Variants in RPS6KC1 observed in about 807,000 individuals in gnomAD.
RPS6KC1 encodes inactive ribosomal protein S6 kinase delta-1.
In RPS6KC1, 54 loss-of-function variants were observed where a neutral mutation model predicts 103.8. The observed-to-expected ratio is 0.52, with a 90% CI of 0.42 to 0.65. RPS6KC1 has a LOEUF of 0.65. RPS6KC1 is among the 30% of genes least tolerant of loss of function. RPS6KC1 has a pLI of 0.00. For missense variants in RPS6KC1, 1,151 were observed against 1,253.8 expected (o/e 0.92, Z 1.24); for synonymous variants, 439 against 438.7 (o/e 1.00, Z -0.01).
At chr1:213,602,056 C>CTCTT in the RPS6KC1 span, among the ~76,000 whole-genome samples, 14 of 56,382 alleles carry the variant, frequency 2.5e-4, 3 homozygotes, top group Admixed American at 4.1e-4. Context: ...TTCTTTCTTT[C>CTCTT]TCTTTCTTTC....
the RPS6KC1 span, among the ~76,000 whole-genome samples, chr1:213,362,881 GC>G: frequency 1.3e-5 from 2 of 152,190 alleles, no homozygotes; most frequent in Non-Finnish European, 1.5e-5. Context: ...GCAACAGACT[GC>G]CCTTGGACTT....
At chr1:213,716,309 G>A in the RPS6KC1 span, among the ~76,000 whole-genome samples, 1 of 152,272 alleles carries the variant, frequency 6.6e-6, no homozygotes, top group Admixed American at 6.5e-5. Flanking sequence ...TGTGGACGAG[G>A]CATCCTGGGG....
the RPS6KC1 span, among the ~76,000 whole-genome samples, chr1:213,567,693 C>T: frequency 6.6e-6 from 1 of 152,106 alleles, no homozygotes; most frequent in Admixed American, 6.5e-5. Context: ...TCTTCACAAC[C>T]CTAAAATATA....
At chr1:213,318,355 C>A in the RPS6KC1 span, among the ~76,000 whole-genome samples, 1 of 152,226 alleles carries the variant, frequency 6.6e-6, no homozygotes, top group Non-Finnish European at 1.5e-5. Context: ...GGGCTAAAGG[C>A]CCTTGTCTTG....
chr1:213,426,564 A>G, the RPS6KC1 span, among the ~76,000 whole-genome samples: 8 of 152,342 alleles, frequency 5.3e-5, no homozygotes, highest in South Asian at 1.7e-3. Flanking sequence ...CCAACTGGAC[A>G]CATATGGTTC....
the RPS6KC1 span, among the ~76,000 whole-genome samples, chr1:213,580,711 C>T: frequency 9.9e-5 from 15 of 152,050 alleles, no homozygotes; most frequent in Admixed American, 6.5e-5. Context: ...AAGCAAGACC[C>T]TCTACCAGTG....
chr1:213,418,967 C>T, the RPS6KC1 span, among the ~76,000 whole-genome samples: 53 of 152,358 alleles, frequency 3.5e-4, no homozygotes, highest in South Asian at 8.3e-4. Context: ...TTGCGTTTCC[C>T]GTCTGGAAGG....
intron 5 of RPS6KC1, among the ~76,000 whole-genome samples, chr1:213,118,193 A>C (rs542382360): frequency 2.6e-5 from 4 of 152,026 alleles, no homozygotes; most frequent in South Asian, 4.2e-4. Context: ...ATCAAGTTTT[A>C]ATCACTTTCA....
the RPS6KC1 span, among the ~76,000 whole-genome samples, chr1:213,733,730 A>G: frequency 2.0e-5 from 3 of 152,174 alleles, no homozygotes; most frequent in Non-Finnish European, 1.5e-5. Context: ...GTTAAAATCC[A>G]TTCATTGAAG....
At chr1:213,496,677 G>C in the RPS6KC1 span, among the ~76,000 whole-genome samples, 1 of 152,096 alleles carries the variant, frequency 6.6e-6, no homozygotes, top group African/African-American at 2.4e-5. Context: ...AGAATTGCTT[G>C]AACCCAGGAG....
At chr1:213,340,898 A>C in the RPS6KC1 span, among the ~76,000 whole-genome samples, 1 of 152,248 alleles carries the variant, frequency 6.6e-6, no homozygotes, top group African/African-American at 2.4e-5. Context: ...CAAGCCGTGT[A>C]GTGGCTGGAG....
the RPS6KC1 span, among the ~76,000 whole-genome samples, chr1:213,462,852 TAACA>T: frequency 6.6e-6 from 1 of 152,320 alleles, no homozygotes; most frequent in East Asian, 1.9e-4. Flanking sequence ...TATACCTGTG[TAACA>T]AACCTGCACG....
the RPS6KC1 span, among the ~76,000 whole-genome samples, chr1:213,856,249 TCTC>T: frequency 6.6e-6 from 1 of 152,100 alleles, no homozygotes; most frequent in Non-Finnish European, 1.5e-5. Flanking sequence ...GTTAGACACT[TCTC>T]TAAGAAAAGC....
chr1:213,633,961 A>G, the RPS6KC1 span, among the ~76,000 whole-genome samples: 1 of 150,862 alleles, frequency 6.6e-6, no homozygotes. Flanking sequence ...TTAAACCAAC[A>G]AAGATCAAAA....
intron 8 of RPS6KC1, among the ~76,000 whole-genome samples, chr1:213,218,621 T>C (rs1049280421): frequency 6.6e-6 from 1 of 151,892 alleles, no homozygotes; most frequent in Non-Finnish European, 1.5e-5. Context: ...CTTCAAACTA[T>C]ACTACAAGGC....
At chr1:213,293,562 T>C in the RPS6KC1 span, among the ~76,000 whole-genome samples, 1 of 152,152 alleles carries the variant, frequency 6.6e-6, no homozygotes, top group Non-Finnish European at 1.5e-5. Context: ...TTTTCTTTTT[T>C]CCTTTTTTTA....
At chr1:213,165,613 CG>C (rs2090893578) in intron 6 of RPS6KC1, among the ~76,000 whole-genome samples, 1 of 152,036 alleles carries the variant, frequency 6.6e-6, no homozygotes, top group Non-Finnish European at 1.5e-5. Flanking sequence ...TTAGTAGAGA[CG>C]GGGTTTCACC....
chr1:213,398,224 T>G, the RPS6KC1 span, among the ~76,000 whole-genome samples: 1 of 150,710 alleles, frequency 6.6e-6, no homozygotes, highest in Non-Finnish European at 1.5e-5. Flanking sequence ...TTTTGTATTT[T>G]TAGTAGAGAC....
the RPS6KC1 span, among the ~76,000 whole-genome samples, chr1:213,603,066 C>A: frequency 6.6e-6 from 1 of 152,210 alleles, no homozygotes; most frequent in Non-Finnish European, 1.5e-5. Context: ...CTTACACATG[C>A]TATAGCTTAC....
Sources: gnomAD v4.1 joint callset for allele counts (sites outside exome capture counted in the v4.1 genomes callset) on GRCh38, gnomAD v4.1.1 for gene constraint, MANE v1.5 for transcripts, NCBI Gene and HGNC (gene_info 2026-07-23, HGNC 2026-07-21) for gene names.